Variants in ACKR3 observed in about 807,000 individuals in gnomAD.
The protein encoded by ACKR3 is C-X-C chemokine receptor type 7.
A neutral mutation model predicts 22.4 loss-of-function variants in ACKR3; 6 were observed. The ratio of observed to expected loss-of-function variants is 0.27; its 90% confidence interval spans 0.15 to 0.53. The LOEUF (loss-of-function observed/expected upper bound fraction) is 0.53. ACKR3 is among the 20% of genes least tolerant of loss of function. ACKR3 has a pLI of 0.96. For missense variants in ACKR3, 396 were observed against 475.2 expected (o/e 0.83, Z 1.55); for synonymous variants, 209 against 205.2 (o/e 1.02, Z -0.16).
At chr2:236,544,580 G>T in the ACKR3 span, among the ~76,000 whole-genome samples, 1 of 152,204 alleles carries the variant, frequency 6.6e-6, no homozygotes, top group African/African-American at 2.4e-5. The surrounding 1 kb of genome is among the most constrained non-coding windows in gnomAD (Gnocchi z 5.0). Context: ...CTCAGGGCAG[G>T]CTGGAGAGAT....
chr2:236,558,257 G>T, the ACKR3 span, among the ~76,000 whole-genome samples: 9 of 152,314 alleles, frequency 5.9e-5, no homozygotes, highest in South Asian at 2.1e-4. Flanking sequence ...CCTATGGGCC[G>T]CTGCTAGTCA....
upstream of ACKR3, among the ~76,000 whole-genome samples, chr2:236,566,718 C>CCTTCCTTCCTTCCTTCCTT: frequency 8.7e-6 from 1 of 114,568 alleles, no homozygotes; most frequent in Middle Eastern, 4.1e-3. Flanking sequence ...TCCTTTCCTT[C>CCTTCCTTCCTTCCTTCCTT]CCTTCCTTCC....
At chr2:236,562,961 T>C (rs189445239), upstream of ACKR3, among the ~76,000 whole-genome samples, 1 of 152,274 alleles carries the variant, frequency 6.6e-6, no homozygotes, top group Non-Finnish European at 1.5e-5. Flanking sequence ...CTTGTTCACA[T>C]TCAGTAATTT....
the ACKR3 span, among the ~76,000 whole-genome samples, chr2:236,538,650 AT>A: frequency 6.6e-6 from 1 of 152,232 alleles, no homozygotes; most frequent in African/African-American, 2.4e-5. Flanking sequence ...TGATGAGTAG[AT>A]ATCTGCCCTG....
chr2:236,548,286 G>A, the ACKR3 span, among the ~76,000 whole-genome samples: 9 of 152,052 alleles, frequency 5.9e-5, no homozygotes, highest in African/African-American at 1.9e-4. This position sits in a 1 kb window ranked among gnomAD's most constrained non-coding sequence, Gnocchi z 4.3. Context: ...TGAGGCCTAG[G>A]TTGAGAATGC....
chr2:236,541,001 C>T, the ACKR3 span, among the ~76,000 whole-genome samples: 1 of 152,222 alleles, frequency 6.6e-6, no homozygotes, highest in Non-Finnish European at 1.5e-5. Context: ...CTGCACAGCT[C>T]CTTGCTAGCA....
intron 1 of ACKR3, among the ~76,000 whole-genome samples, chr2:236,571,044 C>T (rs767857217): frequency 3.3e-5 from 5 of 152,136 alleles, no homozygotes; most frequent in Non-Finnish European, 7.3e-5. Flanking sequence ...CTTTTAGTGT[C>T]CCTTTATTTA....
chr2:236,578,167 T>C (rs1230273898), intron 1 of ACKR3, among the ~76,000 whole-genome samples: 1 of 152,190 alleles, frequency 6.6e-6, no homozygotes, highest in Non-Finnish European at 1.5e-5. Flanking sequence ...CAAGGAAAGA[T>C]GGCGATAGTA....
chr2:236,544,263 C>T, the ACKR3 span, among the ~76,000 whole-genome samples: 4 of 151,976 alleles, frequency 2.6e-5, no homozygotes, highest in South Asian at 2.1e-4. The surrounding 1 kb of genome is among the most constrained non-coding windows in gnomAD (Gnocchi z 5.0). Flanking sequence ...GTTGGGATTA[C>T]AGGCGTGAGC....
the ACKR3 span, among the ~76,000 whole-genome samples, chr2:236,558,303 G>A: frequency 6.6e-6 from 1 of 152,230 alleles, no homozygotes; most frequent in African/African-American, 2.4e-5. Context: ...GCTAATGAAG[G>A]GGCGGGTCAT....
At chr2:236,538,275 A>C in the ACKR3 span, among the ~76,000 whole-genome samples, 1 of 152,236 alleles carries the variant, frequency 6.6e-6, no homozygotes, top group Non-Finnish European at 1.5e-5. Context: ...CAGGAGCTTT[A>C]GATGTCTCCT....
At chr2:236,573,792 C>T (rs1691355189) in intron 1 of ACKR3, among the ~76,000 whole-genome samples, 1 of 152,216 alleles carries the variant, frequency 6.6e-6, no homozygotes, top group Non-Finnish European at 1.5e-5. Flanking sequence ...TCCTCTGCTC[C>T]AAAGCCATGG....
intron 1 of ACKR3, among the ~76,000 whole-genome samples, chr2:236,576,963 T>G (rs78608629): frequency 0.04 from 6,112 of 152,334 alleles, 408 homozygotes; most frequent in African/African-American, 0.14. Flanking sequence ...CCCTTTTCAC[T>G]GTACTTTCCT....
At chr2:236,544,279 C>T in the ACKR3 span, among the ~76,000 whole-genome samples, 5,278 of 151,986 alleles carry the variant, frequency 0.035, 220 homozygotes, top group East Asian at 0.14. The surrounding 1 kb of genome is among the most constrained non-coding windows in gnomAD (Gnocchi z 5.0). Context: ...TGAGCCACCG[C>T]GCCCGGAGGG....
rs1691512895 is a variant in ACKR3, at chr2:236,580,953, T to C, written c.488T>C (p.Val163Ala). 6.2e-7 allele frequency: 1 copy of C among 1,614,078 alleles called. No individual in the cohort carries two copies. Residue 163 changes from valine (V) to alanine (A), a missense_variant, in exon 2 of 2, where the codon GTC (valine) becomes GCC (alanine). Coordinates refer to ENST00000272928, the MANE Select transcript of ACKR3 (RefSeq NM_020311.3). ...AGCAGGAAGAAGATGGTACGCCGTGTCGTCTGCATCCTGGTGTGGCTGCTG... is the reference window on the plus strand; with the variant it reads ...AGCAGGAAGAAGATGGTACGCCGTGCCGTCTGCATCCTGGTGTGGCTGCTG... ...PSSRKKMVRR[V>A]VCILVWLLAF... is the part of the protein sequence containing the mutation.
upstream of ACKR3, among the ~76,000 whole-genome samples, chr2:236,565,676 C>T (rs56107956): frequency 6.6e-6 from 1 of 152,266 alleles, no homozygotes; most frequent in African/African-American, 2.4e-5. Context: ...GTTAATCTAT[C>T]TTATGTGGAT....
At chr2:236,576,707 G>A (rs931048751) in intron 1 of ACKR3, among the ~76,000 whole-genome samples, 5 of 152,252 alleles carry the variant, frequency 3.3e-5, no homozygotes, top group African/African-American at 1.2e-4. Context: ...GGCGGCCAGA[G>A]CCTTTGTCGC....
upstream of ACKR3, among the ~76,000 whole-genome samples, chr2:236,563,640 T>C (rs1349600738): frequency 6.6e-6 from 1 of 152,146 alleles, no homozygotes; most frequent in Non-Finnish European, 1.5e-5. Flanking sequence ...TGAGGATTAA[T>C]TAGAGAGCAC....
At chr2:236,546,462 T>A in the ACKR3 span, among the ~76,000 whole-genome samples, 1 of 152,230 alleles carries the variant, frequency 6.6e-6, no homozygotes, top group East Asian at 1.9e-4. This position sits in a 1 kb window ranked among gnomAD's most constrained non-coding sequence, Gnocchi z 4.9. Context: ...AAATTTGTTG[T>A]CAGTTTTTGG....
Sources: gnomAD v4.1 joint callset for allele counts (sites outside exome capture counted in the v4.1 genomes callset) on GRCh38, gnomAD v4.1.1 for gene constraint, Gnocchi (gnomAD v3.1) non-coding constraint, MANE v1.5 for transcripts, NCBI Gene and HGNC (gene_info 2026-07-23, HGNC 2026-07-21) for gene names.